The following TTC7B variants were observed in gnomAD, a reference collection of about 807,000 sequenced individuals.
TTC7B encodes the protein tetratricopeptide repeat domain 7B.
Under a neutral mutation model 106.8 loss-of-function variants are expected in TTC7B, and 28 were observed. That is an observed-to-expected ratio of 0.26 (90% CI 0.19 to 0.36). TTC7B has a LOEUF of 0.36. Ranked by LOEUF, TTC7B falls within the 10% of genes least tolerant of loss-of-function variation. The pLI, the probability that TTC7B is intolerant of heterozygous loss-of-function variation, is 1.00. For synonymous variants in TTC7B, 405 were observed against 430.6 expected (o/e 0.94, Z 0.74); for missense variants, 862 against 1,076.4 (o/e 0.80, Z 2.79).
At chr14:90,749,040 T>A (rs1231980403) in intron 3 of TTC7B, among the ~76,000 whole-genome samples, 1 of 152,214 alleles carries the variant, frequency 6.6e-6, no homozygotes, top group East Asian at 1.9e-4. Context: ...TCCCCCTCCA[T>A]TACTCTCAAA....
chr14:90,613,990 G>C (rs571956900), intron 16 of TTC7B, among the ~76,000 whole-genome samples: 2 of 152,230 alleles, frequency 1.3e-5, no homozygotes, highest in South Asian at 4.1e-4. Flanking sequence ...GAGGCTTGGT[G>C]GTGGTGGGGC....
chr14:90,602,467 G>C (rs951945666), intron 17 of TTC7B, among the ~76,000 whole-genome samples: 2 of 152,190 alleles, frequency 1.3e-5, no homozygotes, highest in African/African-American at 4.8e-5. Flanking sequence ...TTTGGGAGGC[G>C]AGGTGGGAGG....
In TTC7B at chr14:90,786,342, G is replaced by A. The variant is rs757653286; in HGVS notation, c.122-14C>T. On this transcript the variant is annotated splice_polypyrimidine_tract_variant and intron_variant, in intron 1 of 19. Coordinates refer to ENST00000328459, the MANE Select transcript of TTC7B (RefSeq NM_001010854.2). ...CTGCCATGTCATCTACAAAAACAAA[G>A]TGAGAACAAAGTGGGAGCAAGGAAT... 1.9e-6 allele frequency: 3 copies of A among 1,612,668 alleles called. No homozygotes were observed. The highest frequency in any genetic ancestry group is 4.5e-5 in the East Asian group (2 of 44,788).
intron 4 of TTC7B, among the ~76,000 whole-genome samples, chr14:90,736,213 ATGTTTGTTTT>A (rs1208226076): frequency 6.6e-6 from 1 of 151,922 alleles, no homozygotes; most frequent in Non-Finnish European, 1.5e-5. Flanking sequence ...AGTTTTTTGT[ATGTTTGTTTT>A]TGTTTGTTTT....
intron 17 of TTC7B, among the ~76,000 whole-genome samples, chr14:90,596,013 T>C (rs542648242): frequency 6.6e-6 from 1 of 152,300 alleles, no homozygotes; most frequent in South Asian, 2.1e-4. Context: ...TCTTAGACTT[T>C]TTGGTCTCAG....
rs1891985782 is a variant in TTC7B, at chr14:90,592,132, C to T, written c.2107+1354G>A. ...CCAAACATGTTTTCAATGCGAAGGC[C>T]TGCCAGTGGTGTCAAACAGGGTGGA... On this transcript the variant is annotated intron_variant, in intron 18 of 19. Coordinates refer to ENST00000328459, the MANE Select transcript of TTC7B (RefSeq NM_001010854.2). Among the ~76,000 whole-genome samples the T allele has an allele frequency of 3.9e-5, 6 of 152,226 alleles. No homozygotes were observed. In the South Asian group the frequency reaches 1.2e-3, roughly 32 times the overall value.
intron 17 of TTC7B, among the ~76,000 whole-genome samples, chr14:90,607,508 T>C (rs1255644785): frequency 6.6e-6 from 1 of 152,262 alleles, no homozygotes; most frequent in Admixed American, 6.5e-5. Context: ...TCTGTTTCAC[T>C]GGGAACCATT....
intron 19 of TTC7B, among the ~76,000 whole-genome samples, chr14:90,553,721 G>C (rs1437018869): frequency 1.3e-5 from 2 of 152,200 alleles, no homozygotes; most frequent in African/African-American, 4.8e-5. Flanking sequence ...GGCCTTGGAG[G>C]CATGGCGGAT....
chr14:90,587,565 C>A (rs1263960326), intron 18 of TTC7B, among the ~76,000 whole-genome samples: 1 of 152,206 alleles, frequency 6.6e-6, no homozygotes, highest in Non-Finnish European at 1.5e-5. Flanking sequence ...CCCTCTGGCT[C>A]CCCTGGTTGG....
intron 11 of TTC7B, 64 bp from the exon 12 acceptor site, chr14:90,655,174 A>ATTTT: frequency 7.9e-7 from 1 of 1,265,630 alleles, no homozygotes; most frequent in African/African-American, 1.5e-5. Flanking sequence ...AGTTCCCATA[A>ATTTT]GCGTCTGCTG....
intron 17 of TTC7B, among the ~76,000 whole-genome samples, chr14:90,594,690 A>G (rs1892130005): frequency 6.6e-6 from 1 of 152,266 alleles, no homozygotes; most frequent in Non-Finnish European, 1.5e-5. Flanking sequence ...AGTTTAAAAT[A>G]GTAATAATCT....
chr14:90,621,689 C>T, intron 15 of TTC7B, among the ~76,000 whole-genome samples: 1 of 152,228 alleles, frequency 6.6e-6, no homozygotes, highest in East Asian at 1.9e-4. Flanking sequence ...CCGTCGCCAA[C>T]ACTCCTTGGG....
At position 90,574,532 on chromosome 14, in the gene TTC7B, G is replaced by A. The variant is rs552168514; in HGVS notation, c.2310+3574C>T. On this transcript the variant is annotated intron_variant, in intron 19 of 19. Coordinates refer to ENST00000328459, the MANE Select transcript of TTC7B (RefSeq NM_001010854.2). ...GGCTAAAGCTATTAGAAGATCGTCCGTTTCCTCTGGGGTTGAATTTACATT... is the reference window on the plus strand; with the variant it reads ...GGCTAAAGCTATTAGAAGATCGTCCATTTCCTCTGGGGTTGAATTTACATT... Among the ~76,000 whole-genome samples, 4 of 152,306 alleles carry A rather than the reference G, an allele frequency of 2.6e-5. No individual in the cohort carries two copies. The South Asian group carries it at 6.2e-4, about 24-fold the overall frequency.
intron 4 of TTC7B, among the ~76,000 whole-genome samples, chr14:90,741,604 C>A (rs1385536207): frequency 6.6e-6 from 1 of 152,174 alleles, no homozygotes; most frequent in Admixed American, 6.5e-5. Flanking sequence ...ATTCCATCCC[C>A]TTTTCTGTTT....
chr14:90,544,233 A>G (rs189851058), intron 19 of TTC7B, among the ~76,000 whole-genome samples: 192 of 152,384 alleles, frequency 1.3e-3, no homozygotes, highest in Non-Finnish European at 2.2e-3. Context: ...CTTCAGGGTC[A>G]GCTCTACCTT....
intron 15 of TTC7B, among the ~76,000 whole-genome samples, chr14:90,622,254 G>A (rs1320578910): frequency 6.6e-6 from 1 of 151,834 alleles, no homozygotes; most frequent in East Asian, 2.0e-4. Flanking sequence ...AAATAGCTGG[G>A]ACCACAGGTG....
In TTC7B at chr14:90,742,221, C is replaced by T. The variant is rs866920191; in HGVS notation, c.576+2571G>A. Reference sequence around the variant, plus strand: ...ATGCCTAGCTAGTTTCGTTTCATTTCGTTTCGTTCGCTTCTTTCTTTCTTC... The same window carrying T: ...ATGCCTAGCTAGTTTCGTTTCATTTTGTTTCGTTCGCTTCTTTCTTTCTTC... On this transcript the variant is annotated intron_variant, in intron 4 of 19. Transcript: ENST00000328459. The surrounding 1 kb of genome is among the most constrained non-coding windows in gnomAD (Gnocchi z 4.1). Among the ~76,000 whole-genome samples the T allele has an allele frequency of 3.3e-5, 5 of 151,950 alleles. No individual in the cohort carries two copies. Among genetic ancestry groups the T allele is most frequent in the Non-Finnish European group, 5.9e-5 (4 of 67,982 alleles).
intron 18 of TTC7B, among the ~76,000 whole-genome samples, chr14:90,580,364 A>G (rs942773988): frequency 1.3e-5 from 2 of 152,218 alleles, no homozygotes; most frequent in Non-Finnish European, 2.9e-5. Context: ...CCCATTGTCC[A>G]AATGAGGAAA....
intron 1 of TTC7B, among the ~76,000 whole-genome samples, chr14:90,798,433 T>C (rs183168842): frequency 8.5e-5 from 13 of 152,328 alleles, no homozygotes; most frequent in African/African-American, 2.2e-4. Context: ...ATAGTCACTA[T>C]TGTGTGTAAA....
Sources: allele counts gnomAD v4.1 joint callset (sites outside exome capture counted in the v4.1 genomes callset), GRCh38; gene constraint gnomAD v4.1.1; non-coding constraint Gnocchi (gnomAD v3.1); transcripts MANE v1.5; gene names NCBI Gene and HGNC (gene_info 2026-07-23, HGNC 2026-07-21).